RABGEF1: variants seen among roughly 807,000 people sequenced by gnomAD.
RABGEF1 encodes RAB guanine nucleotide exchange factor 1.
RABGEF1 carries 26 observed loss-of-function variants against 57.3 expected under a neutral mutation model. That is an observed-to-expected ratio of 0.45 (90% CI 0.33 to 0.63). The LOEUF (loss-of-function observed/expected upper bound fraction) is 0.63, where lower values mean the gene tolerates loss of function less well. Among genes scored for constraint, RABGEF1 ranks in the 20% least tolerant of loss-of-function variants. The probability of loss-of-function intolerance (pLI) is 0.02; values close to 1 mark genes in which losing one functional copy is unlikely to be tolerated. For synonymous variants in RABGEF1, 185 were observed against 210.7 expected (o/e 0.88, Z 1.06); for missense variants, 464 against 607.6 (o/e 0.76, Z 2.48).
the RABGEF1 span, among the ~76,000 whole-genome samples, chr7:66,673,944 G>T: frequency 6.6e-6 from 1 of 152,206 alleles, no homozygotes; most frequent in East Asian, 1.9e-4. Context: ...TTAAGAAAAT[G>T]CAATATGTGA....
chr7:66,732,811 C>T (rs796704478), intron 2 of RABGEF1, among the ~76,000 whole-genome samples: 23 of 152,208 alleles, frequency 1.5e-4, no homozygotes, highest in African/African-American at 5.5e-4. Context: ...CTTTTGCTCT[C>T]GCTCTCACTC....
chr7:66,682,573 C>A (rs1313812873), intron 1 of RABGEF1, among the ~76,000 whole-genome samples: 2 of 152,196 alleles, frequency 1.3e-5, no homozygotes, highest in African/African-American at 4.8e-5. Flanking sequence ...CGGCTCCCCT[C>A]GGTCCGGCTC....
chr7:66,658,704 C>T, the RABGEF1 span, among the ~76,000 whole-genome samples: 1 of 152,166 alleles, frequency 6.6e-6, no homozygotes, highest in Non-Finnish European at 1.5e-5. Flanking sequence ...TTTGCAAACT[C>T]TTTCAAAAAC....
the RABGEF1 span, among the ~76,000 whole-genome samples, chr7:66,655,309 G>A: frequency 6.6e-6 from 1 of 152,194 alleles, no homozygotes; most frequent in African/African-American, 2.4e-5. Context: ...GGAGAGAGAG[G>A]GAGGGACTCT....
chr7:66,779,827 G>A (rs78920298), intron 3 of RABGEF1, among the ~76,000 whole-genome samples: 1,716 of 152,050 alleles, frequency 0.011, 25 homozygotes, highest in African/African-American at 0.037. Context: ...TCTTACACAC[G>A]GAATCCCTAT....
intron 1 of RABGEF1, among the ~76,000 whole-genome samples, chr7:66,749,389 T>C (rs774508908): frequency 2.6e-5 from 4 of 152,212 alleles, no homozygotes; most frequent in Non-Finnish European, 4.4e-5. Context: ...TTTCCTTAAT[T>C]GTATATCCAT....
chr7:66,677,925 C>T (rs1172380982), upstream of RABGEF1, among the ~76,000 whole-genome samples: 2 of 151,686 alleles, frequency 1.3e-5, no homozygotes, highest in South Asian at 2.1e-4. Flanking sequence ...ATTAGCCAGG[C>T]GTGGTGGCGT....
Position 66,810,906 on chromosome 7 carries a change from T to C in RABGEF1, c.*1622T>C, listed in dbSNP as rs984426803. The stretch of plus-strand genomic sequence containing the variant: ...TATAAGATCTATTAAGCTTGACACA[T>C]CTGTGTCATCACGCACTGAAGACAG... On this transcript the variant is annotated 3_prime_UTR_variant, in exon 9 of 9. Coordinates refer to ENST00000284957, the MANE Select transcript of RABGEF1 (RefSeq NM_014504.3). 1 of 152,226 alleles carries C rather than the reference T, an allele frequency of 6.6e-6. No homozygotes were observed. The highest frequency in any genetic ancestry group is 2.4e-5 in the African/African-American group (1 of 41,464). The allele number at this position is 152,226 out of a possible 1,614,324, so 9.4% of individuals were successfully genotyped here. A position where few individuals can be genotyped will look rare whatever the true frequency, so the allele number is the denominator to read the frequency against.
chr7:66,728,384 C>A (rs191235962), intron 2 of RABGEF1, among the ~76,000 whole-genome samples: 29 of 152,268 alleles, frequency 1.9e-4, no homozygotes, highest in East Asian at 1.7e-3. Flanking sequence ...AGGTATCCCC[C>A]CTATGGCTGG....
rs1265451355 is a variant in RABGEF1, at chr7:66,811,171, C to CA, written c.*1887_*1888insA. ...CTGTACACTCTGTTTGTTCAATAAA[C>CA]TGCATATCAACTTCCCACAAAAGCT... On this transcript the variant is annotated 3_prime_UTR_variant, in exon 9 of 9. Coordinates refer to ENST00000284957, the MANE Select transcript of RABGEF1 (RefSeq NM_014504.3). The CA allele has an allele frequency of 3.7e-4, 57 of 152,274 alleles. No homozygotes were observed. The highest frequency in any genetic ancestry group is 1.3e-3 in the African/African-American group (55 of 41,562). The allele number at this position is 152,274 out of a possible 1,614,324, so 9.4% of individuals were successfully genotyped here. A position where few individuals can be genotyped will look rare whatever the true frequency, so the allele number is the denominator to read the frequency against.
the RABGEF1 span, among the ~76,000 whole-genome samples, chr7:66,669,538 T>A: frequency 2.6e-5 from 4 of 152,158 alleles, no homozygotes; most frequent in African/African-American, 9.7e-5. Flanking sequence ...ATCAGACCTT[T>A]ATGGTGGGCT....
At chr7:66,708,937 C>T (rs1372045367) in intron 1 of RABGEF1, among the ~76,000 whole-genome samples, 2 of 151,908 alleles carry the variant, frequency 1.3e-5, no homozygotes, top group Admixed American at 6.6e-5. Flanking sequence ...ATGCAATATG[C>T]CTTCTTTCAG....
chr7:66,737,734 T>G (rs1798169951), upstream of RABGEF1, among the ~76,000 whole-genome samples: 3 of 152,208 alleles, frequency 2.0e-5, no homozygotes. Flanking sequence ...GGCACTTGCC[T>G]GTAGTCACAG....
Position 66,717,724 on chromosome 7 carries a change from T to A in RABGEF1, c.-815+5500T>A, listed in dbSNP as rs112323706. Among the ~76,000 whole-genome samples, 430 of 152,284 alleles carry A rather than the reference T, an allele frequency of 2.8e-3. 1 individual carries two copies. The highest frequency in any genetic ancestry group is 1.0e-2 in the African/African-American group (414 of 41,564). On this transcript the variant is annotated intron_variant and NMD_transcript_variant, in intron 2 of 9. Transcript: ENST00000607882. ...AAAGGTGCACACCACCATGCCCATC[T>A]AATTTTTTTGTATTTTTCAGAGATA... is the stretch of plus-strand genomic sequence containing the variant.
intron 1 of RABGEF1, among the ~76,000 whole-genome samples, chr7:66,748,222 A>G (rs1475109418): frequency 2.0e-5 from 3 of 152,224 alleles, no homozygotes; most frequent in Non-Finnish European, 2.9e-5. Context: ...ACGGTGACAT[A>G]ACATCAAAAC....
intron 1 of RABGEF1, among the ~76,000 whole-genome samples, chr7:66,757,474 A>G (rs1258975855): frequency 1.3e-5 from 2 of 152,224 alleles, no homozygotes; most frequent in South Asian, 2.1e-4. Flanking sequence ...AATGACTGAA[A>G]TGATTTATTT....
At chr7:66,797,285 CAG>C (rs1209544265) in intron 5 of RABGEF1, 87 bp from the exon 6 acceptor site, 14 of 1,341,960 alleles carry the variant, frequency 1.0e-5, no homozygotes, top group Non-Finnish European at 1.4e-5. Context: ...ACCTGGGCGA[CAG>C]AGCCAGACTC....
intron 1 of RABGEF1, among the ~76,000 whole-genome samples, 185 bp from the exon 2 acceptor site, chr7:66,771,698 G>A (rs141052084): frequency 6.6e-6 from 1 of 151,816 alleles, no homozygotes; most frequent in Non-Finnish European, 1.5e-5. Context: ...GCTGTGTCAG[G>A]AATTTACTAT....
chr7:66,665,607 C>T, the RABGEF1 span, among the ~76,000 whole-genome samples: 1 of 152,170 alleles, frequency 6.6e-6, no homozygotes. Flanking sequence ...GTTCCCTTCC[C>T]TGGGACTCAG....
Sources: gnomAD v4.1 joint callset for allele counts (sites outside exome capture counted in the v4.1 genomes callset) on GRCh38, gnomAD v4.1.1 for gene constraint, MANE v1.5 for transcripts, NCBI Gene and HGNC (gene_info 2026-07-23, HGNC 2026-07-21) for gene names.